SV2C: variants seen among roughly 807,000 people sequenced by gnomAD.
SV2C encodes the protein synaptic vesicle glycoprotein 2C.
In SV2C, 49 loss-of-function variants were observed where a neutral mutation model predicts 79.7. The observed-to-expected ratio is 0.61, with a 90% CI of 0.49 to 0.78. The LOEUF (loss-of-function observed/expected upper bound fraction) is 0.78. Ranked by LOEUF, SV2C falls within the 30% of genes least tolerant of loss-of-function variation. SV2C has a pLI of 0.00. For missense variants in SV2C, 833 were observed against 912.9 expected (o/e 0.91, Z 1.13); for synonymous variants, 334 against 333.2 (o/e 1.00, Z -0.03).
chr5:75,938,763 G>C, the SV2C span, among the ~76,000 whole-genome samples: 2 of 152,118 alleles, frequency 1.3e-5, no homozygotes, highest in Non-Finnish European at 2.9e-5. Flanking sequence ...CTTACGATTA[G>C]TGTCCTTTTC....
the SV2C span, among the ~76,000 whole-genome samples, chr5:75,976,111 C>T: frequency 1.3e-5 from 2 of 152,020 alleles, no homozygotes; most frequent in African/African-American, 4.8e-5. Flanking sequence ...TATAGTTAAT[C>T]GAAAATTGTA....
In SV2C at chr5:76,121,855, C is replaced by G. The variant is rs1323282176; in HGVS notation, c.-101-9795C>G. ...TAGGATTGACTTGGCGATGCAGGCT[C>G]TTTTTTGGTTCCATATGAACTTTAA... On this transcript the variant is annotated intron_variant, in intron 1 of 12. Transcript: ENST00000502798. 3.0e-4 allele frequency among the ~76,000 whole-genome samples: 46 copies of G among 151,770 alleles called. 1 individual carries two copies. Among genetic ancestry groups the G allele is most frequent in the Admixed American group, 6.6e-5 (1 of 15,264 alleles).
chr5:76,048,965 G>GAGAAAGAAAGAC, the SV2C span, among the ~76,000 whole-genome samples: 3 of 58,164 alleles, frequency 5.2e-5, no homozygotes, highest in African/African-American at 2.1e-4. Context: ...GAAAGAAAAA[G>GAGAAAGAAAGAC]AGAAAGAAAG....
At chr5:76,283,572 G>A (rs1175675934) in intron 4 of SV2C, among the ~76,000 whole-genome samples, 2 of 152,110 alleles carry the variant, frequency 1.3e-5, no homozygotes, top group African/African-American at 4.8e-5. Context: ...TGTTTTCTCT[G>A]ATCCATCATA....
chr5:75,993,547 T>C, the SV2C span, among the ~76,000 whole-genome samples: 4 of 152,056 alleles, frequency 2.6e-5, no homozygotes, highest in Non-Finnish European at 5.9e-5. Context: ...GATGAACATA[T>C]TGTTCTAGAG....
chr5:76,046,883 G>T, the SV2C span, among the ~76,000 whole-genome samples: 1 of 152,146 alleles, frequency 6.6e-6, no homozygotes, highest in African/African-American at 2.4e-5. Context: ...TCTGTCCGTG[G>T]CTTCACCCAT....
At chr5:75,996,544 G>A in the SV2C span, among the ~76,000 whole-genome samples, 485 of 152,214 alleles carry the variant, frequency 3.2e-3, 2 homozygotes, top group African/African-American at 9.5e-3. Context: ...GCTTGATGGG[G>A]ATGGCATTGA....
chr5:76,154,205 CT>C (rs950772556), intron 2 of SV2C, among the ~76,000 whole-genome samples: 2 of 152,222 alleles, frequency 1.3e-5, no homozygotes, highest in Non-Finnish European at 2.9e-5. Context: ...CAAAAATGCC[CT>C]GTTCCCTCCT....
chr5:76,061,268 TAAAAAA>T, the SV2C span, among the ~76,000 whole-genome samples: 21 of 51,620 alleles, frequency 4.1e-4, no homozygotes, highest in African/African-American at 1.8e-3. Context: ...CTTCAATTTG[TAAAAAA>T]AAAAAAAAAA....
At chr5:75,909,506 A>G in the SV2C span, among the ~76,000 whole-genome samples, 5,047 of 152,298 alleles carry the variant, frequency 0.033, 205 homozygotes, top group African/African-American at 0.1. Context: ...CTGTGGGAGA[A>G]AGAGACACCA....
At chr5:76,230,284 G>A (rs1367039878) in intron 4 of SV2C, among the ~76,000 whole-genome samples, 1 of 151,786 alleles carries the variant, frequency 6.6e-6, no homozygotes, top group Non-Finnish European at 1.5e-5. Flanking sequence ...GAGAATGAGA[G>A]TGAAGAATGT....
At chr5:75,888,412 A>G in the SV2C span, among the ~76,000 whole-genome samples, 1 of 151,710 alleles carries the variant, frequency 6.6e-6, no homozygotes, top group African/African-American at 2.4e-5. Context: ...TTTCCCAATT[A>G]CCCAACCTCA....
chr5:76,210,711 T>A (rs1297721585), intron 4 of SV2C, among the ~76,000 whole-genome samples: 3 of 152,196 alleles, frequency 2.0e-5, no homozygotes, highest in African/African-American at 7.2e-5. Flanking sequence ...GGGGTGGAGC[T>A]GAAAGCTCCA....
intron 2 of SV2C, among the ~76,000 whole-genome samples, chr5:76,181,230 C>G (rs1177793382): frequency 6.6e-6 from 1 of 152,206 alleles, no homozygotes; most frequent in East Asian, 1.9e-4. Flanking sequence ...TTGGTAGGAA[C>G]ACAACCACAC....
chr5:76,048,605 A>G, the SV2C span, among the ~76,000 whole-genome samples: 1 of 151,894 alleles, frequency 6.6e-6, no homozygotes, highest in East Asian at 1.9e-4. Context: ...GAGATATTAG[A>G]CTGGGTCATA....
At chr5:76,263,598 G>A (rs949680071) in intron 4 of SV2C, among the ~76,000 whole-genome samples, 7 of 152,100 alleles carry the variant, frequency 4.6e-5, no homozygotes, top group Non-Finnish European at 1.0e-4. Flanking sequence ...GCAGTGGCTG[G>A]TACCGGTTTT....
chr5:76,309,122 C>T (rs1356779895), intron 12 of SV2C, among the ~76,000 whole-genome samples: 2 of 152,128 alleles, frequency 1.3e-5, no homozygotes, highest in Non-Finnish European at 2.9e-5. Context: ...TACCAGCTAA[C>T]AAGCTCTGGA....
the SV2C span, among the ~76,000 whole-genome samples, chr5:75,917,130 C>T: frequency 6.6e-6 from 1 of 152,204 alleles, no homozygotes; most frequent in Non-Finnish European, 1.5e-5. Context: ...GGATCACCTC[C>T]CAGTGAAACT....
At chr5:75,949,318 A>C in the SV2C span, among the ~76,000 whole-genome samples, 1 of 152,080 alleles carries the variant, frequency 6.6e-6, no homozygotes, top group African/African-American at 2.4e-5. Flanking sequence ...AGAATGGACT[A>C]GTACACTGAC....
Sources: gnomAD v4.1 joint callset for allele counts (sites outside exome capture counted in the v4.1 genomes callset) on GRCh38, gnomAD v4.1.1 for gene constraint, MANE v1.5 for transcripts, NCBI Gene and HGNC (gene_info 2026-07-23, HGNC 2026-07-21) for gene names.